INPP4A: variants seen among roughly 807,000 people sequenced by gnomAD.
INPP4A encodes the protein inositol polyphosphate-4-phosphatase type I A.
A neutral mutation model predicts 119.8 loss-of-function variants in INPP4A; 33 were observed. The ratio of observed to expected loss-of-function variants is 0.28; its 90% CI spans 0.21 to 0.37. The LOEUF (loss-of-function observed/expected upper bound fraction) is 0.37, where lower values mean the gene tolerates loss of function less well. Among genes scored for constraint, INPP4A ranks in the 10% least tolerant of loss-of-function variants. INPP4A has a pLI of 1.00. For missense variants in INPP4A, 956 were observed against 1,289.9 expected (o/e 0.74, Z 3.97); for synonymous variants, 496 against 500.7 (o/e 0.99, Z 0.12).
At chr2:98,553,030 C>A in intron 14 of INPP4A, 61 bp downstream of exon 14, 1 of 1,360,952 alleles carries the variant, frequency 7.3e-7, no homozygotes, top group Non-Finnish European at 1.0e-6. Context: ...TGGAAGCCAC[C>A]AGGCAGCCCA....
chr2:98,484,442 C>G (rs374047827), intron 1 of INPP4A, among the ~76,000 whole-genome samples: 2 of 152,166 alleles, frequency 1.3e-5, no homozygotes, highest in African/African-American at 4.8e-5. Context: ...GCTCAAAGTC[C>G]AGAATGCAGT....
chr2:98,541,793 T>C (rs369212529), intron 10 of INPP4A, among the ~76,000 whole-genome samples: 1 of 152,204 alleles, frequency 6.6e-6, no homozygotes. Context: ...CTGTGTTGCC[T>C]AGGCTGGTCC....
chr2:98,542,102 C>G (rs1032333972), intron 10 of INPP4A, among the ~76,000 whole-genome samples: 2 of 152,144 alleles, frequency 1.3e-5, no homozygotes, highest in Non-Finnish European at 1.5e-5. Flanking sequence ...AGAGGGTGAT[C>G]GGGGCAGGCC....
intron 24 of INPP4A, among the ~76,000 whole-genome samples, chr2:98,577,970 C>A (rs1698703951): frequency 6.6e-6 from 1 of 152,210 alleles, no homozygotes; most frequent in Non-Finnish European, 1.5e-5. Context: ...GTGTTCAATT[C>A]TCTTATCCTT....
rs141113662 is a variant in INPP4A at position 98,534,480 on chromosome 2, T to C, written c.270+985T>C. ...AAATTCTACTTCAGTATGTCTGGGGTAGGGCCCAAGACTGCATTTCTTACA... is the reference window on the plus strand; with the variant it reads ...AAATTCTACTTCAGTATGTCTGGGGCAGGGCCCAAGACTGCATTTCTTACA... On this transcript the variant is annotated intron_variant, in intron 5 of 24. Coordinates refer to ENST00000409851, the MANE Select transcript of INPP4A (RefSeq NM_001134225.2). Among the ~76,000 whole-genome samples the C allele has an allele frequency of 4.0e-3, 605 of 152,178 alleles. 2 individuals carry two copies. The highest frequency in any genetic ancestry group is 0.017 in the Middle Eastern group (5 of 294).
In INPP4A at chr2:98,546,685, C is replaced by T; in HGVS notation, c.1154C>T (p.Thr385Ile). Reference sequence around the variant, plus strand: ...AAAAAGCTGCACAAATTTGAAGAGACCAAGAAACAGTAAGTAGCCAGAGAG... The same window carrying T: ...AAAAAGCTGCACAAATTTGAAGAGATCAAGAAACAGTAAGTAGCCAGAGAG... ...LRKKLHKFEE[T>I]KKHTSSGCQS... The change falls in exon 13 of 25, where the codon ACC becomes ATC. Residue 385 changes from threonine to isoleucine, a missense_variant. Coordinates refer to ENST00000409851, the MANE Select transcript of INPP4A (RefSeq NM_001134225.2). This position sits in a 1 kb window ranked among gnomAD's most constrained non-coding sequence, Gnocchi z 4.2. 4 of 1,600,364 alleles carry T rather than the reference C, an allele frequency of 2.5e-6. No individual in the cohort carries two copies. The highest frequency in any genetic ancestry group is 1.1e-5 in the South Asian group (1 of 90,826).
chr2:98,504,182 C>T (rs1427508090), intron 1 of INPP4A, among the ~76,000 whole-genome samples: 1 of 152,210 alleles, frequency 6.6e-6, no homozygotes, highest in African/African-American at 2.4e-5. Context: ...CGCTGAACAA[C>T]CAGCAACACA....
rs371984865 is a variant in INPP4A, at chr2:98,530,987, G to A, written c.152-2390G>A. ...CCAGCTTCCTGGTTTGCAGATGGACGTCGTCTTGTTGTGTTCTCACATGGC... is the reference window on the plus strand; with the variant it reads ...CCAGCTTCCTGGTTTGCAGATGGACATCGTCTTGTTGTGTTCTCACATGGC... On this transcript the variant is annotated intron_variant, in intron 4 of 24. Transcript: ENST00000409851. Among the ~76,000 whole-genome samples, 89 of 152,342 alleles carry A rather than the reference G, an allele frequency of 5.8e-4. No homozygotes were observed. In the South Asian group the frequency reaches 0.017, roughly 29 times the overall value.
intron 11 of INPP4A, 38 bp downstream of exon 11, chr2:98,544,045 GCACA>G (rs3217304): frequency 1.0e-3 from 1,498 of 1,427,044 alleles, no homozygotes; most frequent in South Asian, 1.7e-3. Context: ...ACACGCGTGC[GCACA>G]CACACACACA....
chr2:98,578,810 C>T (rs1226279097), intron 24 of INPP4A, among the ~76,000 whole-genome samples: 2 of 152,262 alleles, frequency 1.3e-5, no homozygotes, highest in Admixed American at 1.3e-4. Context: ...TCAGAACCCT[C>T]CCACAAAGAA....
At chr2:98,512,132 G>T (rs6705663) in intron 1 of INPP4A, among the ~76,000 whole-genome samples, 149,318 of 152,364 alleles carry the variant, frequency 0.98, 73,197 homozygotes, top group Middle Eastern at 1. Context: ...CAACCTCACA[G>T]GGCTGACAGC....
chr2:98,479,695 A>G (rs1381263423), intron 1 of INPP4A, among the ~76,000 whole-genome samples: 1 of 152,160 alleles, frequency 6.6e-6, no homozygotes, highest in Admixed American at 6.5e-5. Flanking sequence ...GAAACAACTA[A>G]TGGTTGCAAA....
chr2:98,505,693 G>A (rs1053216784), intron 1 of INPP4A, among the ~76,000 whole-genome samples: 1 of 152,194 alleles, frequency 6.6e-6, no homozygotes, highest in African/African-American at 2.4e-5. Flanking sequence ...TGCTCACAGA[G>A]CCAGCCGTCA....
In INPP4A at chr2:98,479,694, A is replaced by G. The variant is rs115398145; in HGVS notation, c.-166+34609A>G. Reference sequence around the variant, plus strand: ...ACGCACCAGCTTTTCTGAAACAACTAATGGTTGCAAATGGAATTCGGGGTA... The same window carrying G: ...ACGCACCAGCTTTTCTGAAACAACTGATGGTTGCAAATGGAATTCGGGGTA... On this transcript the variant is annotated intron_variant, in intron 1 of 24. Transcript: ENST00000409851. 4.7e-3 allele frequency among the ~76,000 whole-genome samples: 715 copies of G among 152,268 alleles called. 3 individuals carry two copies. Among genetic ancestry groups the G allele is most frequent in the Middle Eastern group, 0.02 (6 of 294 alleles).
chr2:98,501,585 G>A (rs951585833), intron 1 of INPP4A, among the ~76,000 whole-genome samples: 5 of 152,156 alleles, frequency 3.3e-5, no homozygotes. Context: ...AGGGAGTAAT[G>A]ATTTCCCTAT....
intron 1 of INPP4A, among the ~76,000 whole-genome samples, chr2:98,478,579 G>A (rs1354114187): frequency 6.6e-6 from 1 of 152,142 alleles, no homozygotes. Flanking sequence ...TCCCTCCCCC[G>A]ACTTTCTTTG....
At chr2:98,578,464 CG>C (rs1190969156) in intron 24 of INPP4A, among the ~76,000 whole-genome samples, 1 of 152,200 alleles carries the variant, frequency 6.6e-6, no homozygotes, top group Non-Finnish European at 1.5e-5. Context: ...ACAGTCCATG[CG>C]GAAACCTCTA....
rs1300733121 is a variant in INPP4A at position 98,555,845 on chromosome 2, A to T, written c.1822+37A>T. 2.6e-6 allele frequency: 4 copies of T among 1,524,858 alleles called. No individual in the cohort carries two copies. In the Admixed American group the frequency reaches 8.0e-5, roughly 30 times the overall value. 94.5% of individuals were successfully genotyped at this position (1,524,858 alleles called of 1,614,324 possible). ...TCCATGCTTCCCATATGCTGCCTCC[A>T]TTTCACCTTGTGCTGCTTCCATTTG... On this transcript the variant is annotated intron_variant, in intron 16 of 24. Transcript: ENST00000409851.
chr2:98,535,603 G>A (rs184473987), intron 5 of INPP4A, 126 bp from the exon 6 acceptor site: 2 of 616,950 alleles, frequency 3.2e-6, no homozygotes, highest in Admixed American at 3.4e-5. Flanking sequence ...GCCGCCTTTA[G>A]CATTTGTGTT....
Sources: allele counts gnomAD v4.1 joint callset (sites outside exome capture counted in the v4.1 genomes callset), GRCh38; gene constraint gnomAD v4.1.1; non-coding constraint Gnocchi (gnomAD v3.1); transcripts MANE v1.5; gene names NCBI Gene and HGNC (gene_info 2026-07-23, HGNC 2026-07-21).